Variants in ATP2C2 observed in about 807,000 individuals in gnomAD.
ATP2C2 encodes the protein calcium-transporting ATPase type 2C member 2.
ATP2C2 carries 171 observed loss-of-function variants against 110.8 expected under a neutral mutation model. That is an observed-to-expected ratio of 1.54 (90% CI 1.36 to 1.75). The LOEUF (loss-of-function observed/expected upper bound fraction) is 1.75. ATP2C2 is among the 40% of genes most tolerant of loss of function. ATP2C2 has a pLI of 0.00. For synonymous variants in ATP2C2, 804 were observed against 508.4 expected (o/e 1.58, Z -7.82); for missense variants, 1,963 against 1,235.0 (o/e 1.59, Z -8.84).
chr16:84,369,169 G>C (rs961462632), intron 1 of ATP2C2, among the ~76,000 whole-genome samples: 1 of 152,230 alleles, frequency 6.6e-6, no homozygotes, highest in Non-Finnish European at 1.5e-5. Flanking sequence ...AGCAAAGTTG[G>C]AGCTGAGGGA....
At chr16:84,392,986 C>A (rs981458062) in intron 1 of ATP2C2, among the ~76,000 whole-genome samples, 6 of 152,296 alleles carry the variant, frequency 3.9e-5, no homozygotes, top group African/African-American at 1.4e-4. Flanking sequence ...GATCAACCTT[C>A]CTCACGATTT....
intron 2 of ATP2C2, among the ~76,000 whole-genome samples, chr16:84,402,726 TC>T (rs1207158887): frequency 7.9e-5 from 12 of 152,244 alleles, no homozygotes; most frequent in Admixed American, 2.0e-4. Context: ...GCATCAATAG[TC>T]ATCAGTGATA....
At chr16:84,407,274 A>C (rs1905860073) in intron 3 of ATP2C2, 1 of 152,214 alleles carries the variant, frequency 6.6e-6, no homozygotes, top group East Asian at 1.9e-4. Flanking sequence ...GCACGGCGTA[A>C]GGCTCTGGAC....
chr16:84,410,141 G>A (rs188312097), intron 4 of ATP2C2, among the ~76,000 whole-genome samples: 145 of 152,216 alleles, frequency 9.5e-4, no homozygotes, highest in African/African-American at 3.3e-3. Context: ...ACCGGGAGGC[G>A]GAGGTTGCAG....
At position 84,459,740 on chromosome 16, in the gene ATP2C2, G is replaced by T. The variant is rs892754797; in HGVS notation, c.2333+354G>T. ...TCCCACTCAATCCCCTCACCCTGCT[G>T]TATTTTTCCCTAGAGAGGAAGATAC... On this transcript the variant is annotated intron_variant, in intron 23 of 26. Coordinates refer to ENST00000262429, the MANE Select transcript of ATP2C2 (RefSeq NM_014861.4). 2.4e-5 allele frequency: 16 copies of T among 672,394 alleles called. No homozygotes were observed. In the South Asian group the frequency reaches 3.0e-4, roughly 12 times the overall value. 41.7% of individuals were successfully genotyped at this position (672,394 alleles called of 1,614,324 possible).
intron 6 of ATP2C2, among the ~76,000 whole-genome samples, chr16:84,412,437 T>G (rs536143468): frequency 1.2e-3 from 174 of 150,128 alleles, no homozygotes; most frequent in Admixed American, 3.2e-3. Flanking sequence ...TGCGTGTGTG[T>G]ATGCATGTGT....
At chr16:84,440,001 AT>A (rs1909097588) in intron 13 of ATP2C2, among the ~76,000 whole-genome samples, 1 of 152,078 alleles carries the variant, frequency 6.6e-6, no homozygotes, top group Admixed American at 6.5e-5. Flanking sequence ...CGCCGAGCTT[AT>A]TTTTGTATTT....
Position 84,433,219 on chromosome 16 carries a change from A to G in ATP2C2, c.987-5947A>G, listed in dbSNP as rs1047991466. 2.6e-5 allele frequency among the ~76,000 whole-genome samples: 4 copies of G among 152,134 alleles called. 1 individual carries two copies. In the South Asian group the frequency reaches 8.3e-4, roughly 32 times the overall value. On this transcript the variant is annotated intron_variant, in intron 11 of 26. Transcript: ENST00000262429. ...ACATAGTGAGACTGTCTGTACAAAAACAAATGTTTTGTTATTAGCCAGGTA... is the reference window on the plus strand; with the variant it reads ...ACATAGTGAGACTGTCTGTACAAAAGCAAATGTTTTGTTATTAGCCAGGTA...
At chr16:84,426,232 G>A (rs1019319838) in intron 11 of ATP2C2, among the ~76,000 whole-genome samples, 2 of 152,108 alleles carry the variant, frequency 1.3e-5, no homozygotes, top group Non-Finnish European at 2.9e-5. Context: ...AAGAGCAGGG[G>A]CAGGAGAGGG....
At chr16:84,461,006 G>A (rs970887591) in intron 24 of ATP2C2, 10 of 698,420 alleles carry the variant, frequency 1.4e-5, no homozygotes, top group Non-Finnish European at 2.0e-5. Context: ...CGCCAGGTGT[G>A]TGCCTGGGAA....
chr16:84,430,843 G>A (rs1426294501), intron 11 of ATP2C2, among the ~76,000 whole-genome samples: 2 of 152,016 alleles, frequency 1.3e-5, no homozygotes, highest in African/African-American at 2.4e-5. Context: ...TCAGGGCATG[G>A]AAGAGACAGA....
intron 1 of ATP2C2, among the ~76,000 whole-genome samples, chr16:84,379,363 G>A (rs1910440548): frequency 6.6e-6 from 1 of 152,296 alleles, no homozygotes; most frequent in Middle Eastern, 3.4e-3. Context: ...ATGGGGTTTT[G>A]CTAAGTTGCC....
intron 1 of ATP2C2, among the ~76,000 whole-genome samples, chr16:84,375,838 G>A (rs1910218032): frequency 1.3e-5 from 2 of 151,932 alleles, no homozygotes; most frequent in Admixed American, 6.5e-5. Flanking sequence ...CACAAATATG[G>A]TTTAATTTTG....
At chr16:84,460,486 T>G in intron 23 of ATP2C2, 168 bp from the exon 24 acceptor site, 3 of 896,712 alleles carry the variant, frequency 3.3e-6, no homozygotes, top group Non-Finnish European at 5.4e-6. Flanking sequence ...GCTCTGGGGC[T>G]TCTGGAAGGT....
intron 1 of ATP2C2, among the ~76,000 whole-genome samples, chr16:84,380,073 C>G (rs537381733): frequency 1.4e-4 from 22 of 152,284 alleles, no homozygotes; most frequent in African/African-American, 5.3e-4. Flanking sequence ...TTGGTACACC[C>G]TGGAGCCTAC....
At chr16:84,437,948 A>C (rs1908894541) in intron 11 of ATP2C2, among the ~76,000 whole-genome samples, 1 of 150,748 alleles carries the variant, frequency 6.6e-6, no homozygotes, top group Non-Finnish European at 1.5e-5. Context: ...CCCCATTCTG[A>C]ACATCCCTTA....
intron 3 of ATP2C2, among the ~76,000 whole-genome samples, chr16:84,406,305 A>G (rs1905762268): frequency 6.6e-6 from 1 of 152,248 alleles, no homozygotes; most frequent in Non-Finnish European, 1.5e-5. Context: ...CCTTTGCAGG[A>G]CCAGTTCAGA....
At chr16:84,384,306 T>C (rs1253487066) in intron 1 of ATP2C2, among the ~76,000 whole-genome samples, 3 of 152,228 alleles carry the variant, frequency 2.0e-5, no homozygotes, top group African/African-American at 4.8e-5. Flanking sequence ...TCGACCTTTT[T>C]AGAGATTCCG....
intron 11 of ATP2C2, among the ~76,000 whole-genome samples, chr16:84,431,894 G>T (rs564245423): frequency 1.4e-4 from 21 of 152,144 alleles, no homozygotes; most frequent in Non-Finnish European, 2.5e-4. Flanking sequence ...TTACAGAAGC[G>T]GGGGCTGGGA....
Sources: allele counts gnomAD v4.1 joint callset (sites outside exome capture counted in the v4.1 genomes callset), GRCh38; gene constraint gnomAD v4.1.1; transcripts MANE v1.5; gene names NCBI Gene and HGNC (gene_info 2026-07-23, HGNC 2026-07-21).